The following DCC variants were observed in gnomAD, a reference collection of about 807,000 sequenced individuals.
The protein encoded by DCC is netrin receptor DCC.
DCC carries 58 observed loss-of-function variants against 172.5 expected under a neutral mutation model. The observed-to-expected ratio is 0.34, with a 90% CI of 0.27 to 0.42. DCC has a LOEUF of 0.42. Among genes scored for constraint, DCC ranks in the 10% least tolerant of loss-of-function variants. The pLI is 1.00. For missense variants in DCC, 1,740 were observed against 1,791.0 expected (o/e 0.97, Z 0.51); for synonymous variants, 709 against 644.5 (o/e 1.10, Z -1.52).
intron 7 of DCC, among the ~76,000 whole-genome samples, chr18:53,089,387 T>C (rs2042969869): frequency 6.6e-6 from 1 of 152,092 alleles, no homozygotes. Context: ...CACCCGGCCG[T>C]ACTCATGTAT....
intron 1 of DCC, among the ~76,000 whole-genome samples, chr18:52,625,796 T>C (rs1039473607): frequency 2.0e-5 from 3 of 152,192 alleles, no homozygotes; most frequent in African/African-American, 7.2e-5. Flanking sequence ...CGCCAATGAC[T>C]TCTGCATGCT....
intron 1 of DCC, among the ~76,000 whole-genome samples, chr18:52,631,527 G>GA (rs1263188830): frequency 1.3e-5 from 2 of 152,140 alleles, no homozygotes; most frequent in African/African-American, 4.8e-5. Context: ...TAACTGGGGG[G>GA]AAAATGCTAA....
chr18:53,312,189 T>G (rs1295158102), intron 13 of DCC, among the ~76,000 whole-genome samples: 1 of 86,392 alleles, frequency 1.2e-5, no homozygotes, highest in African/African-American at 4.9e-5. Flanking sequence ...AAAAAGAAAA[T>G]TAGCCTGGTG....
At chr18:52,411,006 T>G (rs1194080168) in intron 1 of DCC, among the ~76,000 whole-genome samples, 1 of 152,174 alleles carries the variant, frequency 6.6e-6, no homozygotes, top group Admixed American at 6.6e-5. Flanking sequence ...ATTTTTTACT[T>G]GGGTAAAGTA....
At chr18:53,094,516 C>T (rs2043057010) in intron 7 of DCC, among the ~76,000 whole-genome samples, 3 of 152,232 alleles carry the variant, frequency 2.0e-5, no homozygotes, top group Admixed American at 2.0e-4. Context: ...TCAAAAGTCT[C>T]AGAATCCCTG....
At position 52,752,134 on chromosome 18, in the gene DCC, C is replaced by A; in HGVS notation, c.172C>A (p.Leu58Ile). Residue 58 changes from leucine to isoleucine, a missense_variant, in exon 2 of 29, where the codon CTC (leucine) becomes ATC (isoleucine). Physicochemically the swap from Leu to Ile is conservative, Grantham distance 5. This residue lies in a region of DCC where 1,732 missense variants were observed against 1,767.4 expected (regional missense o/e 0.98). Coordinates refer to ENST00000442544, the MANE Select transcript of DCC (RefSeq NM_005215.4). Reference sequence around the variant, plus strand: ...CGTCACAATGCGGGGAGGAAATGTCCTCCTCGACTGCTCCGCGGAGTCCGA... The same window carrying A: ...CGTCACAATGCGGGGAGGAAATGTCATCCTCGACTGCTCCGCGGAGTCCGA... ...DAVTMRGGNV[L>I]LDCSAESDRG... is the part of the protein sequence containing the mutation. 6.2e-7 allele frequency: 1 copy of A among 1,614,154 alleles called. No homozygotes were observed. Among genetic ancestry groups the A allele is most frequent in the Non-Finnish European group, 8.5e-7 (1 of 1,180,030 alleles).
intron 15 of DCC, among the ~76,000 whole-genome samples, chr18:53,348,402 G>T (rs1008118675): frequency 7.2e-5 from 11 of 152,194 alleles, no homozygotes; most frequent in Non-Finnish European, 1.5e-4. Context: ...CTCCACTCCT[G>T]TGGTTTTGCA....
intron 1 of DCC, among the ~76,000 whole-genome samples, chr18:52,575,635 C>T (rs920819033): frequency 2.0e-5 from 3 of 151,952 alleles, no homozygotes; most frequent in South Asian, 2.1e-4. Context: ...AAATCGCACT[C>T]ATAGTGTGAT....
chr18:52,415,481 T>A (rs1986989907), intron 1 of DCC, among the ~76,000 whole-genome samples: 3 of 152,170 alleles, frequency 2.0e-5, no homozygotes. Flanking sequence ...GTGTAAACAT[T>A]ATGGGATGTG....
At chr18:53,335,891 A>G (rs1039073574) in intron 14 of DCC, among the ~76,000 whole-genome samples, 2 of 152,132 alleles carry the variant, frequency 1.3e-5, no homozygotes, top group African/African-American at 2.4e-5. Flanking sequence ...TTGTGCAGGG[A>G]AAGTCCCCTT....
intron 16 of DCC, 127 bp from the exon 17 acceptor site, chr18:53,391,528 A>G (rs983012649): frequency 7.1e-6 from 5 of 706,052 alleles, no homozygotes; most frequent in African/African-American, 1.8e-5. Context: ...TGTTCTTCTC[A>G]TGTTCCCTTT....
chr18:52,366,800 T>C (rs2144285570), intron 1 of DCC, among the ~76,000 whole-genome samples: 1 of 152,278 alleles, frequency 6.6e-6, no homozygotes, highest in Admixed American at 6.5e-5. Flanking sequence ...ACATAAAGAC[T>C]CTCCACCTCC....
chr18:53,514,681 AT>A (rs1416343177), intron 27 of DCC, among the ~76,000 whole-genome samples: 1 of 152,146 alleles, frequency 6.6e-6, no homozygotes, highest in Non-Finnish European at 1.5e-5. Flanking sequence ...CTCTACACAA[AT>A]AAACTAGAAA....
At chr18:53,090,336 G>T (rs1207911197) in intron 7 of DCC, among the ~76,000 whole-genome samples, 1 of 151,804 alleles carries the variant, frequency 6.6e-6, no homozygotes, top group Non-Finnish European at 1.5e-5. Context: ...ATCTTTTCTG[G>T]GTGCTAGAGG....
intron 12 of DCC, among the ~76,000 whole-genome samples, chr18:53,281,496 G>T (rs572331963): frequency 6.6e-6 from 1 of 152,252 alleles, no homozygotes; most frequent in Non-Finnish European, 1.5e-5. Flanking sequence ...CGTAGGCCTT[G>T]TCCCCAAGGA....
rs2046517692 is a variant in DCC at position 53,530,818 on chromosome 18, T to C, written c.*165T>C. On this transcript the variant is annotated 3_prime_UTR_variant, in exon 29 of 29. Coordinates refer to ENST00000442544, the MANE Select transcript of DCC (RefSeq NM_005215.4). ...GAAGCAGTTCAGAAGGAATAAGCAT[T>C]CCTTCTTTCACAGGCATCAGGAATT... is the stretch of plus-strand genomic sequence containing the variant. 1.5e-6 allele frequency: 1 copy of C among 681,158 alleles called. No homozygotes were observed. Among genetic ancestry groups the C allele is most frequent in the Non-Finnish European group, 2.7e-6 (1 of 370,420 alleles). The allele number at this position is 681,158 out of a possible 1,614,324, so 42.2% of individuals were successfully genotyped here.
chr18:52,960,432 G>A (rs528526154), intron 5 of DCC, among the ~76,000 whole-genome samples: 1 of 152,028 alleles, frequency 6.6e-6, no homozygotes, highest in South Asian at 2.1e-4. Context: ...TGTTGCTTTA[G>A]GCCTGCTGTC....
rs556384539 is a variant in DCC at position 53,096,158 on chromosome 18, T to C, written c.1261+29992T>C. 5.3e-5 allele frequency among the ~76,000 whole-genome samples: 8 copies of C among 151,920 alleles called. No individual in the cohort carries two copies. In the East Asian group the frequency reaches 1.6e-3, roughly 29 times the overall value. On this transcript the variant is annotated intron_variant, in intron 7 of 28. Transcript: ENST00000442544. ...TACCCTAAAACTTAAAGTATAGTAA[T>C]AATAAATAAATAAATAAATTTTAAA...
intron 1 of DCC, among the ~76,000 whole-genome samples, chr18:52,571,613 C>T (rs1267822085): frequency 6.6e-6 from 1 of 152,170 alleles, no homozygotes; most frequent in African/African-American, 2.4e-5. Context: ...CTGTGAGCCT[C>T]TTGTTCCCAT....
Sources: allele counts gnomAD v4.1 joint callset (sites outside exome capture counted in the v4.1 genomes callset), GRCh38; gene constraint gnomAD v4.1.1; regional missense constraint gnomAD v4.1.1; transcripts MANE v1.5; gene names NCBI Gene and HGNC (gene_info 2026-07-23, HGNC 2026-07-21).